The following CCSER2 variants were observed in gnomAD, a reference collection of about 807,000 sequenced individuals.
CCSER2 encodes coiled-coil serine rich protein 2, also known as serine-rich coiled-coil domain-containing protein 2.
A neutral mutation model predicts 92.3 loss-of-function variants in CCSER2; 46 were observed. The observed-to-expected ratio is 0.50, with a 90% confidence interval of 0.39 to 0.64. CCSER2 has a LOEUF of 0.64. CCSER2 is among the 30% of genes least tolerant of loss of function. The pLI, the probability that CCSER2 is intolerant of heterozygous loss-of-function variation, is 0.00. For synonymous variants in CCSER2, 433 were observed against 431.4 expected (o/e 1.00, Z -0.04); for missense variants, 1,244 against 1,238.9 (o/e 1.00, Z -0.06).
chr10:84,356,979 A>G (rs1289015766), intron 1 of CCSER2, among the ~76,000 whole-genome samples: 2 of 152,232 alleles, frequency 1.3e-5, no homozygotes, highest in Non-Finnish European at 2.9e-5. Flanking sequence ...TTTAACCTAC[A>G]TTTGTAAAAA....
intron 9 of CCSER2, among the ~76,000 whole-genome samples, chr10:84,490,756 C>T (rs1034308946): frequency 5.9e-5 from 9 of 152,226 alleles, no homozygotes; most frequent in Admixed American, 4.6e-4. Flanking sequence ...AGTCATTCTC[C>T]GTCCAGCTTT....
At chr10:84,370,160 T>G (rs1845987510) in intron 1 of CCSER2, among the ~76,000 whole-genome samples, 1 of 152,152 alleles carries the variant, frequency 6.6e-6, no homozygotes, top group African/African-American at 2.4e-5. Context: ...TGTCTAATTC[T>G]GGGAAAAATG....
At chr10:84,425,137 C>T in intron 4 of CCSER2, 1 of 984,494 alleles carries the variant, frequency 1.0e-6, no homozygotes, top group Non-Finnish European at 1.2e-6. Context: ...TTTGTTGCTG[C>T]AAACTACTGG....
intron 3 of CCSER2, among the ~76,000 whole-genome samples, chr10:84,393,519 G>GTAATGCAGGGTTC (rs1276647883): frequency 6.6e-6 from 1 of 152,104 alleles, no homozygotes; most frequent in Non-Finnish European, 1.5e-5. Flanking sequence ...GTTAATGGGT[G>GTAATGCAGGGTTC]TAATGCAGGG....
chr10:84,467,785 T>C (rs1380067735), intron 7 of CCSER2, among the ~76,000 whole-genome samples: 1 of 152,226 alleles, frequency 6.6e-6, no homozygotes, highest in African/African-American at 2.4e-5. Flanking sequence ...AGAAATACAG[T>C]GTCACCCTTG....
chr10:84,436,335 A>G, intron 5 of CCSER2, among the ~76,000 whole-genome samples: 1 of 129,186 alleles, frequency 7.7e-6, no homozygotes, highest in African/African-American at 2.9e-5. Flanking sequence ...CAAAAAAAAA[A>G]AAAAAAAAAA....
At chr10:84,337,429 G>T (rs1382535451) in intron 1 of CCSER2, among the ~76,000 whole-genome samples, 2 of 152,206 alleles carry the variant, frequency 1.3e-5, no homozygotes, top group African/African-American at 2.4e-5. Flanking sequence ...CTAAGATAAA[G>T]CAATATGAAA....
intron 6 of CCSER2, among the ~76,000 whole-genome samples, chr10:84,444,140 T>C (rs1844761250): frequency 6.6e-6 from 1 of 151,274 alleles, no homozygotes; most frequent in Non-Finnish European, 1.5e-5. Flanking sequence ...TAAAGTATAA[T>C]AATAATAAAA....
intron 3 of CCSER2, among the ~76,000 whole-genome samples, chr10:84,375,291 G>T (rs543996212): frequency 5.1e-4 from 78 of 152,196 alleles, no homozygotes; most frequent in African/African-American, 1.9e-3. Context: ...TATGTCTATT[G>T]GTATGGGAAG....
intron 6 of CCSER2, among the ~76,000 whole-genome samples, chr10:84,460,473 G>T (rs1846045499): frequency 6.6e-6 from 1 of 151,872 alleles, no homozygotes; most frequent in African/African-American, 2.4e-5. Context: ...TAGTATCAGG[G>T]AAGTGCAATT....
At chr10:84,491,375 A>C (rs1335428773) in intron 9 of CCSER2, among the ~76,000 whole-genome samples, 2 of 152,082 alleles carry the variant, frequency 1.3e-5, no homozygotes, top group African/African-American at 4.8e-5. Context: ...CCTTGAGCTG[A>C]GGTGGGCTCC....
intron 3 of CCSER2, among the ~76,000 whole-genome samples, chr10:84,385,004 A>ACACACACAC (rs1554838159): frequency 6.9e-6 from 1 of 145,790 alleles, no homozygotes. Context: ...ATTTACAATA[A>ACACACACAC]ACACACACAC....
intron 1 of CCSER2, among the ~76,000 whole-genome samples, chr10:84,363,665 T>G (rs2133128468): frequency 6.6e-6 from 1 of 152,324 alleles, no homozygotes; most frequent in East Asian, 1.9e-4. Flanking sequence ...TTTGAAAAAG[T>G]GACAGCTCTT....
At chr10:84,480,204 C>T (rs1473358490) in intron 9 of CCSER2, among the ~76,000 whole-genome samples, 3 of 152,052 alleles carry the variant, frequency 2.0e-5, no homozygotes, top group Non-Finnish European at 4.4e-5. Flanking sequence ...ACCACCATGC[C>T]TGGCTAATTT....
At chr10:84,500,114 C>T (rs914440274) in intron 9 of CCSER2, 16 of 490,504 alleles carry the variant, frequency 3.3e-5, no homozygotes, top group Middle Eastern at 1.0e-3. Flanking sequence ...CCTCTCTTAA[C>T]ACTTCCTTTT....
Position 84,369,428 on chromosome 10 carries a change from A to AT in CCSER2, c.-39-1577dup, listed in dbSNP as rs1207801836. Among the ~76,000 whole-genome samples the AT allele has an allele frequency of 1.9e-4, 28 of 149,614 alleles. No individual in the cohort carries two copies. In the East Asian group the frequency reaches 3.1e-3, roughly 17 times the overall value. On this transcript the variant is annotated intron_variant, in intron 1 of 9. Coordinates refer to ENST00000372088, the MANE Select transcript of CCSER2 (RefSeq NM_001284240.2). ...TCCCTGATGATTAGTGATGTTGAGC[A>AT]TTTTTTTTTCATGTTTCTTGGTCAT...
Position 84,372,233 on chromosome 10 carries a change from T to C in CCSER2, c.1181T>C (p.Val394Ala). Residue 394 changes from valine (V) to alanine (A), a missense_variant, in exon 2 of 10, where the codon GTG (valine) becomes GCG (alanine). Coordinates refer to ENST00000372088, the MANE Select transcript of CCSER2 (RefSeq NM_001284240.2). ...AAAATGAGATACCTGAGTGATGATG[T>C]GGATGACATTTCCTTGTCGTCTTTG... is the stretch of plus-strand genomic sequence containing the variant. ...DAKMRYLSDD[V>A]DDISLSSLSS... is the part of the protein sequence containing the mutation. 1 of 1,613,264 alleles carries C rather than the reference T, an allele frequency of 6.2e-7. No homozygotes were observed. The highest frequency in any genetic ancestry group is 8.5e-7 in the Non-Finnish European group (1 of 1,179,372).
chr10:84,500,582 T>G (rs1324927739), intron 9 of CCSER2, among the ~76,000 whole-genome samples: 3 of 152,260 alleles, frequency 2.0e-5, no homozygotes, highest in African/African-American at 4.8e-5. Flanking sequence ...ATTTAGTTAC[T>G]GTTTGACCTT....
chr10:84,414,125 T>TG (rs1214405513), intron 3 of CCSER2, among the ~76,000 whole-genome samples: 6 of 152,374 alleles, frequency 3.9e-5, no homozygotes, highest in Admixed American at 2.6e-4. Flanking sequence ...GTCTTTTAAT[T>TG]GGGGCATTTA....
Sources: gnomAD v4.1 joint callset for allele counts (sites outside exome capture counted in the v4.1 genomes callset) on GRCh38, gnomAD v4.1.1 for gene constraint, MANE v1.5 for transcripts, NCBI Gene and HGNC (gene_info 2026-07-23, HGNC 2026-07-21) for gene names.